NAT1: variants seen among roughly 807,000 people sequenced by gnomAD.
NAT1 encodes the protein arylamine N-acetyltransferase 1.
For missense variants in NAT1, 400 were observed against 339.2 expected (o/e 1.18, Z -1.41); for synonymous variants, 144 against 122.6 (o/e 1.17, Z -1.16).
At chr8:18,195,872 TAC>T (rs1052938444) in intron 2 of NAT1, among the ~76,000 whole-genome samples, 2 of 151,262 alleles carry the variant, frequency 1.3e-5, no homozygotes, top group African/African-American at 2.4e-5. Context: ...CTACCAGTTA[TAC>T]ACACACACAC....
At chr8:18,179,584 G>A (rs899515499) in intron 2 of NAT1, among the ~76,000 whole-genome samples, 2 of 152,166 alleles carry the variant, frequency 1.3e-5, no homozygotes, top group African/African-American at 4.8e-5. Context: ...ACTGATTTTG[G>A]TGCATGATTA....
At chr8:18,205,356 G>A (rs745687683), upstream of NAT1, among the ~76,000 whole-genome samples, 3 of 152,182 alleles carry the variant, frequency 2.0e-5, no homozygotes, top group Non-Finnish European at 4.4e-5. Flanking sequence ...TGGCTTGGGG[G>A]TAGGGTGCTG....
At chr8:18,180,123 A>G (rs1802453932) in intron 2 of NAT1, among the ~76,000 whole-genome samples, 1 of 152,086 alleles carries the variant, frequency 6.6e-6, no homozygotes. Flanking sequence ...TGGGGGAGCT[A>G]GAGGGAACTC....
intron 2 of NAT1, among the ~76,000 whole-genome samples, chr8:18,170,891 C>T (rs1454904552): frequency 1.7e-5 from 2 of 119,626 alleles, no homozygotes; most frequent in African/African-American, 5.1e-5. Context: ...TTTTCTCTCT[C>T]TCCTTTTTTT....
chr8:18,190,027 G>C (rs533189907), intron 2 of NAT1, among the ~76,000 whole-genome samples: 2 of 152,164 alleles, frequency 1.3e-5, no homozygotes, highest in African/African-American at 4.8e-5. Flanking sequence ...TGACCACAAG[G>C]GATCTGTCCA....
intron 2 of NAT1, among the ~76,000 whole-genome samples, chr8:18,177,346 C>T (rs1802332201): frequency 6.6e-6 from 1 of 152,042 alleles, no homozygotes; most frequent in South Asian, 2.1e-4. Flanking sequence ...TATTAACCCA[C>T]AAGTTTTATT....
At chr8:18,212,421 G>T (rs1266763733) in intron 1 of NAT1, 2 of 152,204 alleles carry the variant, frequency 1.3e-5, no homozygotes, top group Non-Finnish European at 2.9e-5. Flanking sequence ...AGTGACTTAA[G>T]TCAGGTTCCC....
chr8:18,177,721 A>C (rs1165045704), intron 2 of NAT1, among the ~76,000 whole-genome samples: 1 of 152,110 alleles, frequency 6.6e-6, no homozygotes, highest in Non-Finnish European at 1.5e-5. Flanking sequence ...CATTTTCCTT[A>C]GCTGGAATCA....
rs57824254 is a variant in NAT1 at position 18,201,538 on chromosome 8, C to CA, written n.93-8233dup. On this transcript the variant is annotated intron_variant and non_coding_transcript_variant, in intron 2 of 4. Transcript: ENST00000517441. Reference sequence around the variant, plus strand: ...TATTCAAGACTCTCAGGGCCCCTCTCAAAAAAAAAAGAAAAAAGAAAAGGA... The same window carrying CA: ...TATTCAAGACTCTCAGGGCCCCTCTCAAAAAAAAAAAGAAAAAAGAAAAGGA... 4.9e-3 allele frequency among the ~76,000 whole-genome samples: 713 copies of CA among 144,220 alleles called. 4 individuals carry two copies. The highest frequency in any genetic ancestry group is 0.016 in the African/African-American group (646 of 39,168). 94.6% of individuals were successfully genotyped at this position (144,220 alleles called of 152,430 possible). A position where few individuals can be genotyped will look rare whatever the true frequency, so the allele number is the denominator to read the frequency against.
At chr8:18,205,683 T>A (rs1803684009), upstream of NAT1, among the ~76,000 whole-genome samples, 1 of 152,112 alleles carries the variant, frequency 6.6e-6, no homozygotes. Flanking sequence ...AGCAAAGCAA[T>A]GTGAGGAGTT....
chr8:18,188,556 G>A (rs1792075656), intron 2 of NAT1, among the ~76,000 whole-genome samples: 1 of 152,072 alleles, frequency 6.6e-6, no homozygotes, highest in South Asian at 2.1e-4. Flanking sequence ...AAATAGGCAT[G>A]TGGCATTTGA....
At chr8:18,203,984 C>G (rs1803590180) in intron 2 of NAT1, among the ~76,000 whole-genome samples, 1 of 152,300 alleles carries the variant, frequency 6.6e-6, no homozygotes, top group African/African-American at 2.4e-5. Flanking sequence ...TGCCAATCAA[C>G]TGGAAAGTCC....
intron 1 of NAT1, among the ~76,000 whole-genome samples, chr8:18,219,097 C>G (rs953811703): frequency 6.6e-6 from 1 of 152,104 alleles, no homozygotes; most frequent in Non-Finnish European, 1.5e-5. Context: ...TTGGTTCACC[C>G]TTCCTTGCTG....
intron 1 of NAT1, chr8:18,216,885 A>C: frequency 1.3e-6 from 2 of 1,547,790 alleles, no homozygotes; most frequent in Non-Finnish European, 1.7e-6. Flanking sequence ...AGACGTGTAC[A>C]GAAGGGCCAT....
chr8:18,172,244 C>T (rs530168461), intron 2 of NAT1, among the ~76,000 whole-genome samples: 11 of 152,290 alleles, frequency 7.2e-5, no homozygotes, highest in African/African-American at 2.6e-4. Context: ...GCAGTGTATG[C>T]TGTTACAATA....
chr8:18,218,131 T>C (rs1320012039), intron 1 of NAT1, among the ~76,000 whole-genome samples: 1 of 152,174 alleles, frequency 6.6e-6, no homozygotes, highest in Non-Finnish European at 1.5e-5. Flanking sequence ...CAGTGTTTTC[T>C]CTTCTCCTCT....
chr8:18,174,749 T>A (rs937359541), intron 2 of NAT1, among the ~76,000 whole-genome samples: 1 of 151,494 alleles, frequency 6.6e-6, no homozygotes, highest in Non-Finnish European at 1.5e-5. Flanking sequence ...AAACCCAGGG[T>A]TTTTTCTAGC....
At chr8:18,193,724 C>T (rs1280890103) in intron 2 of NAT1, among the ~76,000 whole-genome samples, 2 of 145,900 alleles carry the variant, frequency 1.4e-5, no homozygotes, top group African/African-American at 5.1e-5. Context: ...TCACTACAAC[C>T]TCCGCCTCCT....
chr8:18,202,505 A>C (rs113991351), intron 2 of NAT1, among the ~76,000 whole-genome samples: 147 of 152,042 alleles, frequency 9.7e-4, no homozygotes, highest in African/African-American at 3.4e-3. Context: ...TGTTACAGCT[A>C]TTAAAGATGG....
Sources: gnomAD v4.1 joint callset for allele counts (sites outside exome capture counted in the v4.1 genomes callset) on GRCh38, gnomAD v4.1.1 for gene constraint, MANE v1.5 for transcripts, NCBI Gene and HGNC (gene_info 2026-07-23, HGNC 2026-07-21) for gene names.